CSMD1: variants seen among roughly 807,000 people sequenced by gnomAD.
CSMD1 encodes CUB and sushi domain-containing protein 1.
A neutral mutation model predicts 417.5 loss-of-function variants in CSMD1; 213 were observed. That is an observed-to-expected ratio of 0.51 (90% confidence interval 0.46 to 0.57). CSMD1 has a LOEUF of 0.57. Ranked by LOEUF, CSMD1 falls within the 20% of genes least tolerant of loss-of-function variation. CSMD1 has a pLI of 0.00. For missense variants in CSMD1, 6,923 were observed against 4,529.7 expected (o/e 1.53, Z -15.17); for synonymous variants, 2,862 against 1,736.8 (o/e 1.65, Z -16.11).
intron 37 of CSMD1, among the ~76,000 whole-genome samples, chr8:3,167,282 T>G (rs1160185683): frequency 1.6e-5 from 2 of 128,702 alleles, no homozygotes; most frequent in African/African-American, 6.2e-5. Context: ...AGACTCCAAC[T>G]TGGAAAAAGA....
chr8:3,057,940 C>T (rs1812344686), intron 49 of CSMD1, among the ~76,000 whole-genome samples: 1 of 152,290 alleles, frequency 6.6e-6, no homozygotes, highest in African/African-American at 2.4e-5. Flanking sequence ...AAACCTTCCC[C>T]TACTCTCCGT....
chr8:3,148,657 T>C (rs1019170365), intron 40 of CSMD1, among the ~76,000 whole-genome samples: 8 of 152,224 alleles, frequency 5.3e-5, no homozygotes, highest in Non-Finnish European at 1.2e-4. Flanking sequence ...TATAAAACAA[T>C]GTGGGGTTGA....
rs555952753 is a variant in CSMD1 at position 4,300,046 on chromosome 8, G to A, written c.415+119907C>T. Among the ~76,000 whole-genome samples, 90 of 152,308 alleles carry A rather than the reference G, an allele frequency of 5.9e-4. No individual in the cohort carries two copies. In the South Asian group the frequency reaches 8.1e-3, roughly 14 times the overall value. Reference sequence around the variant, plus strand: ...ATAAAGAGGCCACAAAGAGTGAGAGGAAGAACTTCTCATACATGTCAGAAC... The same window carrying A: ...ATAAAGAGGCCACAAAGAGTGAGAGAAAGAACTTCTCATACATGTCAGAAC... On this transcript the variant is annotated intron_variant, in intron 3 of 69. Transcript: ENST00000635120.
chr8:4,223,875 T>G (rs1161663730), intron 3 of CSMD1, among the ~76,000 whole-genome samples: 1 of 152,206 alleles, frequency 6.6e-6, no homozygotes. Context: ...CTAAAAGTCC[T>G]GCATGGAAAA....
In CSMD1 at chr8:3,535,186, T is replaced by A. The variant is rs1798143879; in HGVS notation, c.1344+39759A>T. Among the ~76,000 whole-genome samples the A allele has an allele frequency of 3.3e-5, 5 of 152,096 alleles. 1 individual carries two copies. The highest frequency in any genetic ancestry group is 2.6e-4 in the Admixed American group (4 of 15,264). On this transcript the variant is annotated intron_variant, in intron 10 of 69. Transcript: ENST00000635120. ...CCATGCTGGTCTCAAACTCCTGGCC[T>A]GAAATGATCCTTCTGTTTCAGCCTC... is the stretch of plus-strand genomic sequence containing the variant.
chr8:4,182,332 G>C (rs1314259453), intron 3 of CSMD1, among the ~76,000 whole-genome samples: 1 of 152,006 alleles, frequency 6.6e-6, no homozygotes, highest in Non-Finnish European at 1.5e-5. Context: ...ATTTATTCTT[G>C]TAATCCCCAA....
chr8:4,319,753 G>C (rs931008646), intron 3 of CSMD1, among the ~76,000 whole-genome samples: 2 of 152,078 alleles, frequency 1.3e-5, no homozygotes, highest in Non-Finnish European at 2.9e-5. Flanking sequence ...GGGGCCAAAG[G>C]CTGCTAGAGT....
rs754016669 is a variant in CSMD1, at chr8:4,390,568, C to T, written c.415+29385G>A. Among the ~76,000 whole-genome samples the T allele has an allele frequency of 2.1e-5, 3 of 143,642 alleles. No individual in the cohort carries two copies. The East Asian group carries it at 6.1e-4, about 29-fold the overall frequency. 94.2% of individuals were successfully genotyped at this position (143,642 alleles called of 152,430 possible). A position where few individuals can be genotyped will look rare whatever the true frequency, so the allele number is the denominator to read the frequency against. On this transcript the variant is annotated intron_variant, in intron 3 of 69. Transcript: ENST00000635120. Reference sequence around the variant, plus strand: ...TTGCTCTGTTGCCCAGGCTGGAGTGCAGTGGTGCGATCTCAGCTCCCTGCA... The same window carrying T: ...TTGCTCTGTTGCCCAGGCTGGAGTGTAGTGGTGCGATCTCAGCTCCCTGCA...
At chr8:3,527,136 C>G (rs987841798) in intron 10 of CSMD1, among the ~76,000 whole-genome samples, 6 of 151,914 alleles carry the variant, frequency 3.9e-5, no homozygotes, top group Admixed American at 3.9e-4. Flanking sequence ...TATGAGCCCT[C>G]GGATGTCTCT....
At chr8:4,580,698 G>A (rs1195467914) in intron 2 of CSMD1, among the ~76,000 whole-genome samples, 1 of 152,054 alleles carries the variant, frequency 6.6e-6, no homozygotes, top group South Asian at 2.1e-4. Context: ...AGGTAAATGC[G>A]ACAACACCAG....
chr8:4,192,724 G>C (rs545022895), intron 3 of CSMD1, among the ~76,000 whole-genome samples: 1 of 152,212 alleles, frequency 6.6e-6, no homozygotes, highest in Non-Finnish European at 1.5e-5. Flanking sequence ...ATGAGGAATT[G>C]TCTATGTATT....
intron 5 of CSMD1, among the ~76,000 whole-genome samples, chr8:3,865,924 T>G (rs1805065110): frequency 6.6e-6 from 1 of 152,276 alleles, no homozygotes; most frequent in Non-Finnish European, 1.5e-5. Context: ...ATTAATTAAC[T>G]CCTCATGTTT....
At chr8:4,857,340 C>A (rs1388520706) in intron 1 of CSMD1, among the ~76,000 whole-genome samples, 1 of 151,140 alleles carries the variant, frequency 6.6e-6, no homozygotes, top group Non-Finnish European at 1.5e-5. Context: ...GACACCCTAA[C>A]ATCACAATTA....
At chr8:4,813,236 A>T (rs1298438895) in intron 1 of CSMD1, among the ~76,000 whole-genome samples, 3 of 152,238 alleles carry the variant, frequency 2.0e-5, no homozygotes, top group African/African-American at 7.2e-5. Flanking sequence ...TGTGCTTAGA[A>T]AAATCAAACA....
At chr8:4,761,906 T>TAC (rs1812123793) in intron 1 of CSMD1, among the ~76,000 whole-genome samples, 3 of 94,284 alleles carry the variant, frequency 3.2e-5, no homozygotes, top group Non-Finnish European at 7.0e-5. Flanking sequence ...TATCTATCTA[T>TAC]CTATCAATCT....
intron 6 of CSMD1, among the ~76,000 whole-genome samples, chr8:3,752,413 G>T (rs1280565182): frequency 6.6e-6 from 1 of 152,094 alleles, no homozygotes; most frequent in East Asian, 1.9e-4. Context: ...CCAGCACTTT[G>T]GGAGGCCGAG....
chr8:3,043,479 T>C (rs542393738), intron 50 of CSMD1, among the ~76,000 whole-genome samples: 1 of 152,186 alleles, frequency 6.6e-6, no homozygotes, highest in Admixed American at 6.5e-5. Flanking sequence ...CTAGTATTGC[T>C]CTGGTTTGCT....
At chr8:4,486,868 T>C (rs527730309) in intron 2 of CSMD1, among the ~76,000 whole-genome samples, 2 of 152,214 alleles carry the variant, frequency 1.3e-5, no homozygotes, top group African/African-American at 4.8e-5. Flanking sequence ...AAGCTCACAA[T>C]GTTGCACCTA....
At chr8:3,865,604 C>T (rs376185938) in intron 5 of CSMD1, among the ~76,000 whole-genome samples, 6 of 152,222 alleles carry the variant, frequency 3.9e-5, no homozygotes, top group African/African-American at 1.2e-4. Flanking sequence ...ATCAGCAAAG[C>T]GCCAATGTGT....
Sources: gnomAD v4.1 joint callset for allele counts (sites outside exome capture counted in the v4.1 genomes callset) on GRCh38, gnomAD v4.1.1 for gene constraint, MANE v1.5 for transcripts, NCBI Gene and HGNC (gene_info 2026-07-23, HGNC 2026-07-21) for gene names.